The following LSAMP variants were observed in gnomAD, a reference collection of about 807,000 sequenced individuals.
LSAMP encodes the protein limbic system associated membrane protein, also known as limbic system-associated membrane protein.
Under a neutral mutation model 38.6 loss-of-function variants are expected in LSAMP, and 7 were observed. That is an observed-to-expected ratio of 0.18 (90% confidence interval 0.10 to 0.34). The LOEUF is 0.34. Ranked by LOEUF, LSAMP falls within the 10% of genes least tolerant of loss-of-function variation. The pLI is 1.00. For missense variants in LSAMP, 313 were observed against 420.0 expected (o/e 0.75, Z 2.23); for synonymous variants, 154 against 166.8 (o/e 0.92, Z 0.59).
chr3:116,297,534 T>C (rs1450988265), intron 1 of LSAMP, among the ~76,000 whole-genome samples: 1 of 152,220 alleles, frequency 6.6e-6, no homozygotes, highest in Non-Finnish European at 1.5e-5. Flanking sequence ...TATGATACCA[T>C]ATTTTCTATT....
chr3:116,057,433 C>A (rs898088134), intron 2 of LSAMP, among the ~76,000 whole-genome samples: 2 of 152,128 alleles, frequency 1.3e-5, no homozygotes, highest in Non-Finnish European at 2.9e-5. Flanking sequence ...ACAACTTGAC[C>A]TCCCTTGATA....
At chr3:115,840,580 G>T (rs1314526289) in intron 6 of LSAMP, among the ~76,000 whole-genome samples, 1 of 152,226 alleles carries the variant, frequency 6.6e-6, no homozygotes, top group Non-Finnish European at 1.5e-5. Context: ...GTCACAGACT[G>T]AAGTCAATGA....
chr3:116,040,002 GA>G lies in LSAMP; in HGVS notation c.389-20363del, dbSNP rs369232561. Among the ~76,000 whole-genome samples the G allele has an allele frequency of 4.2e-3, 641 of 151,822 alleles. 4 individuals are homozygous for G. The highest frequency in any genetic ancestry group is 0.014 in the African/African-American group (577 of 41,302). On this transcript the variant is annotated intron_variant, in intron 2 of 6. Coordinates refer to ENST00000490035, the MANE Select transcript of LSAMP (RefSeq NM_002338.5). ...TTTACTCTGCCTCTCTTTGGGGGGG[GA>G]AAAAAACTGGTCCCCTTTTCTACTT...
At chr3:116,170,234 C>T (rs903159752) in intron 1 of LSAMP, among the ~76,000 whole-genome samples, 2 of 150,778 alleles carry the variant, frequency 1.3e-5, no homozygotes, top group Non-Finnish European at 2.9e-5. Context: ...AAAAAAGTAA[C>T]GAAGAAGTCA....
At chr3:116,268,890 T>G (rs1377934644) in intron 1 of LSAMP, among the ~76,000 whole-genome samples, 1 of 152,004 alleles carries the variant, frequency 6.6e-6, no homozygotes, top group Non-Finnish European at 1.5e-5. Flanking sequence ...ATTTGAACAG[T>G]CGGTGAAATA....
intron 3 of LSAMP, among the ~76,000 whole-genome samples, chr3:115,881,668 C>T (rs1936326867): frequency 6.6e-6 from 1 of 152,080 alleles, no homozygotes; most frequent in African/African-American, 2.4e-5. Flanking sequence ...CTGATTAAGC[C>T]AGATGGGATA....
In LSAMP at chr3:115,836,878, T is replaced by G. The variant is rs543389161; in HGVS notation, c.919+4967A>C. Among the ~76,000 whole-genome samples, 9 of 152,302 alleles carry G rather than the reference T, an allele frequency of 5.9e-5. No homozygotes were observed. In the South Asian group the frequency reaches 1.9e-3, roughly 32 times the overall value. ...GCTCACTGCCTTCTGCCTCCCAGGC[T>G]CAAGCAGTCCTCCCACTTCAGCCTC... On this transcript the variant is annotated intron_variant, in intron 6 of 6. Coordinates refer to ENST00000490035, the MANE Select transcript of LSAMP (RefSeq NM_002338.5).
chr3:115,997,110 A>T (rs1053155668), intron 3 of LSAMP, among the ~76,000 whole-genome samples: 1 of 152,168 alleles, frequency 6.6e-6, no homozygotes, highest in Non-Finnish European at 1.5e-5. Flanking sequence ...GTTAAAATGT[A>T]GATTCCTGAG....
intron 1 of LSAMP, among the ~76,000 whole-genome samples, chr3:116,120,424 A>C (rs912513700): frequency 2.6e-5 from 4 of 151,724 alleles, no homozygotes; most frequent in African/African-American, 9.7e-5. Context: ...GGAGGGAAGG[A>C]GGAAGGAAGA....
At chr3:116,254,225 A>AACTAAT (rs2046721437) in intron 1 of LSAMP, among the ~76,000 whole-genome samples, 2 of 152,168 alleles carry the variant, frequency 1.3e-5, no homozygotes, top group African/African-American at 4.8e-5. Flanking sequence ...TCAATTTTAT[A>AACTAAT]ACTATTAGTC....
chr3:115,974,176 T>A (rs1559903902), intron 3 of LSAMP, among the ~76,000 whole-genome samples: 1 of 151,782 alleles, frequency 6.6e-6, no homozygotes, highest in Non-Finnish European at 1.5e-5. Flanking sequence ...GAAACCCCCC[T>A]CTACTAAAAA....
At chr3:116,355,851 A>G (rs893335962) in intron 1 of LSAMP, among the ~76,000 whole-genome samples, 4 of 152,212 alleles carry the variant, frequency 2.6e-5, no homozygotes, top group African/African-American at 9.7e-5. Flanking sequence ...TCATAAGGAA[A>G]AATGCAAATC....
intron 3 of LSAMP, among the ~76,000 whole-genome samples, chr3:116,009,302 A>G (rs1940256792): frequency 6.6e-6 from 1 of 152,106 alleles, no homozygotes; most frequent in Non-Finnish European, 1.5e-5. Flanking sequence ...CTTGTCAGAA[A>G]AGCAGAATTT....
chr3:116,070,494 A>T (rs1707574609), intron 2 of LSAMP, among the ~76,000 whole-genome samples: 1 of 152,238 alleles, frequency 6.6e-6, no homozygotes, highest in South Asian at 2.1e-4. Context: ...TCAGACTATA[A>T]GCTCTAGCTT....
intron 1 of LSAMP, among the ~76,000 whole-genome samples, chr3:116,110,890 G>A (rs544949450): frequency 1.3e-5 from 2 of 152,208 alleles, no homozygotes; most frequent in South Asian, 2.1e-4. Flanking sequence ...GGGCTGAGTC[G>A]GAAAAGAGTC....
At chr3:115,873,051 T>C (rs553670532) in intron 3 of LSAMP, among the ~76,000 whole-genome samples, 2 of 152,202 alleles carry the variant, frequency 1.3e-5, no homozygotes, top group African/African-American at 4.8e-5. Flanking sequence ...TTCACAAATA[T>C]AAAGCTACAA....
intron 1 of LSAMP, 70 bp downstream of exon 1, chr3:116,444,807 C>A (rs890165524): frequency 7.9e-5 from 74 of 937,856 alleles, no homozygotes; most frequent in Admixed American, 5.6e-4. Flanking sequence ...CACACACACA[C>A]ACAAACACAC....
At chr3:116,278,149 C>T (rs934617897) in intron 1 of LSAMP, among the ~76,000 whole-genome samples, 1 of 152,098 alleles carries the variant, frequency 6.6e-6, no homozygotes, top group Admixed American at 6.5e-5. Flanking sequence ...CAGGACAACC[C>T]TTCTGTGTGC....
At chr3:116,115,884 T>C (rs1329885932) in intron 1 of LSAMP, among the ~76,000 whole-genome samples, 1 of 152,024 alleles carries the variant, frequency 6.6e-6, no homozygotes, top group Non-Finnish European at 1.5e-5. Context: ...GTTCTTCTCC[T>C]TATCCCATTA....
Sources: allele counts gnomAD v4.1 joint callset (sites outside exome capture counted in the v4.1 genomes callset), GRCh38; gene constraint gnomAD v4.1.1; transcripts MANE v1.5; gene names NCBI Gene and HGNC (gene_info 2026-07-23, HGNC 2026-07-21).